CADPS2: variants seen among roughly 807,000 people sequenced by gnomAD.
CADPS2 encodes calcium-dependent secretion activator 2.
Under a neutral mutation model 172.5 loss-of-function variants are expected in CADPS2, and 93 were observed. That is an observed-to-expected ratio of 0.54 (90% CI 0.46 to 0.64). The LOEUF (loss-of-function observed/expected upper bound fraction) is 0.64. Ranked by LOEUF, CADPS2 falls within the 30% of genes least tolerant of loss-of-function variation. CADPS2 has a pLI of 0.00. For missense variants in CADPS2, 1,420 were observed against 1,565.9 expected (o/e 0.91, Z 1.57); for synonymous variants, 546 against 555.2 (o/e 0.98, Z 0.23).
intron 1 of CADPS2, among the ~76,000 whole-genome samples, chr7:122,864,723 T>A (rs1345490348): frequency 6.6e-6 from 1 of 152,200 alleles, no homozygotes; most frequent in Non-Finnish European, 1.5e-5. Flanking sequence ...GAGATATGTA[T>A]ACTATTTAAA....
Position 122,487,802 on chromosome 7 carries a change from A to G in CADPS2, c.1852+2279T>C, listed in dbSNP as rs184197629. ...TCCATCTCTGGAGGAGTGAATAGAA[A>G]TAAAATGTGCAGTAGACCAGGTAAC... is the stretch of plus-strand genomic sequence containing the variant. On this transcript the variant is annotated intron_variant, in intron 11 of 29. Transcript: ENST00000449022. 3.5e-3 allele frequency among the ~76,000 whole-genome samples: 536 copies of G among 152,322 alleles called. 5 individuals are homozygous for G. Among genetic ancestry groups the G allele is most frequent in the Non-Finnish European group, 5.0e-3 (338 of 68,030 alleles).
At chr7:122,399,138 T>C (rs1047911769) in intron 20 of CADPS2, among the ~76,000 whole-genome samples, 1 of 152,170 alleles carries the variant, frequency 6.6e-6, no homozygotes, top group Non-Finnish European at 1.5e-5. Flanking sequence ...CAAGAAGTGA[T>C]AGAACACAGC....
intron 1 of CADPS2, among the ~76,000 whole-genome samples, chr7:122,877,612 AAAAATAT>A (rs1159415208): frequency 2.0e-5 from 3 of 152,192 alleles, no homozygotes; most frequent in East Asian, 3.8e-4. Flanking sequence ...ATGTCACAAT[AAAAATAT>A]AAAATATAAA....
In CADPS2 at chr7:122,634,463, G is replaced by T. The variant is rs186733017; in HGVS notation, c.787-5135C>A. Among the ~76,000 whole-genome samples, 262 of 152,194 alleles carry T rather than the reference G, an allele frequency of 1.7e-3. 3 individuals carry two copies. The highest frequency in any genetic ancestry group is 6.2e-3 in the African/African-American group (259 of 41,532). Reference sequence around the variant, plus strand: ...GATTTTCTATGTAGCATATACAGAGGTTTTCAAAATAATCTCTGAGGATCT... The same window carrying T: ...GATTTTCTATGTAGCATATACAGAGTTTTTCAAAATAATCTCTGAGGATCT... On this transcript the variant is annotated intron_variant, in intron 3 of 29. Coordinates refer to ENST00000449022, the MANE Select transcript of CADPS2 (RefSeq NM_017954.11).
chr7:122,400,377 T>C (rs1478292426), intron 20 of CADPS2, among the ~76,000 whole-genome samples: 2 of 151,834 alleles, frequency 1.3e-5, no homozygotes, highest in South Asian at 2.1e-4. Context: ...GCGGAGGTTG[T>C]GGTCAGCCAA....
At chr7:122,806,007 T>G (rs1798717547) in intron 1 of CADPS2, among the ~76,000 whole-genome samples, 1 of 152,222 alleles carries the variant, frequency 6.6e-6, no homozygotes, top group Non-Finnish European at 1.5e-5. Context: ...TTAATATTTA[T>G]ATTAGAGCAC....
intron 8 of CADPS2, among the ~76,000 whole-genome samples, chr7:122,534,198 A>C (rs2062024373): frequency 6.6e-6 from 1 of 152,124 alleles, no homozygotes; most frequent in Non-Finnish European, 1.5e-5. Flanking sequence ...ATTTTTATCT[A>C]AACTCTAGAC....
intron 8 of CADPS2, among the ~76,000 whole-genome samples, chr7:122,514,279 T>C (rs1301456219): frequency 6.6e-6 from 1 of 152,148 alleles, no homozygotes; most frequent in African/African-American, 2.4e-5. Flanking sequence ...AAATGAAGGA[T>C]TAACAGTGCA....
chr7:122,506,120 CCTCTA>C (rs1283730304), intron 9 of CADPS2, among the ~76,000 whole-genome samples: 3 of 152,166 alleles, frequency 2.0e-5, no homozygotes, highest in Non-Finnish European at 4.4e-5. Flanking sequence ...AGTCTTGCAG[CCTCTA>C]CTCTGCCTCG....
chr7:122,465,591 T>C (rs1460535443), intron 14 of CADPS2, among the ~76,000 whole-genome samples: 3 of 152,160 alleles, frequency 2.0e-5, no homozygotes, highest in African/African-American at 7.2e-5. Flanking sequence ...TATGAGAATC[T>C]AAGTAATGCC....
At chr7:122,507,038 T>C (rs2059660758) in intron 9 of CADPS2, among the ~76,000 whole-genome samples, 1 of 152,056 alleles carries the variant, frequency 6.6e-6, no homozygotes, top group African/African-American at 2.4e-5. Context: ...CTTCTTTTCA[T>C]GGAGTATACA....
intron 1 of CADPS2, among the ~76,000 whole-genome samples, chr7:122,757,306 G>A (rs1048076094): frequency 1.3e-5 from 2 of 151,946 alleles, no homozygotes; most frequent in African/African-American, 2.4e-5. Flanking sequence ...ACGCCACCAT[G>A]ACCAGCTAAT....
At position 122,388,751 on chromosome 7, in the gene CADPS2, G is replaced by A. The variant is rs567997533; in HGVS notation, c.3009-13C>T. On this transcript the variant is annotated splice_polypyrimidine_tract_variant and intron_variant, in intron 22 of 29. Transcript: ENST00000449022. ...TGCTGAGCCATTGCTAGAAGAAAAA[G>A]GAAAAATGAACATCATGAACTCCCC... 4.4e-6 allele frequency: 7 copies of A among 1,585,560 alleles called. No homozygotes were observed. In the Admixed American group the frequency reaches 1.2e-4, roughly 28 times the overall value.
intron 1 of CADPS2, among the ~76,000 whole-genome samples, chr7:122,804,439 A>G (rs1004836065): frequency 1.3e-5 from 2 of 152,204 alleles, no homozygotes; most frequent in African/African-American, 2.4e-5. Flanking sequence ...AACATCCTAT[A>G]CAAATGAATG....
At chr7:122,412,974 C>T (rs1169176724) in intron 19 of CADPS2, 2 of 152,260 alleles carry the variant, frequency 1.3e-5, no homozygotes, top group Non-Finnish European at 2.9e-5. Flanking sequence ...ACAATCACTC[C>T]TGCAATTCTA....
chr7:122,348,137 T>A (rs1473526308), intron 27 of CADPS2, among the ~76,000 whole-genome samples: 1 of 152,186 alleles, frequency 6.6e-6, no homozygotes, highest in Non-Finnish European at 1.5e-5. Context: ...TGTTTCCATC[T>A]TTTAAAGGCC....
chr7:122,666,329 A>C (rs1588252933), intron 2 of CADPS2, among the ~76,000 whole-genome samples: 3 of 144,036 alleles, frequency 2.1e-5, no homozygotes, highest in African/African-American at 2.6e-5. Flanking sequence ...CCATTGCCCT[A>C]CCTGTGTCTG....
At chr7:122,364,747 A>G (rs2040638624) in intron 25 of CADPS2, among the ~76,000 whole-genome samples, 1 of 151,962 alleles carries the variant, frequency 6.6e-6, no homozygotes, top group Admixed American at 6.6e-5. Context: ...AAAGAGCCCA[A>G]TAAGTGTCAT....
intron 11 of CADPS2, among the ~76,000 whole-genome samples, chr7:122,484,016 A>C (rs1311682154): frequency 4.6e-5 from 7 of 152,122 alleles, no homozygotes; most frequent in Non-Finnish European, 1.0e-4. Flanking sequence ...AATATTAAGA[A>C]GTCAGTTTTC....
Sources: gnomAD v4.1 joint callset for allele counts (sites outside exome capture counted in the v4.1 genomes callset) on GRCh38, gnomAD v4.1.1 for gene constraint, MANE v1.5 for transcripts, NCBI Gene and HGNC (gene_info 2026-07-23, HGNC 2026-07-21) for gene names.